Variants in CLSTN2 observed in about 807,000 individuals in gnomAD.
The protein encoded by CLSTN2 is calsyntenin 2, also known as calsyntenin-2.
CLSTN2 carries 48 observed loss-of-function variants against 101.2 expected under a neutral mutation model. That is an observed-to-expected ratio of 0.47 (90% CI 0.38 to 0.60). The LOEUF (loss-of-function observed/expected upper bound fraction) is 0.60. Ranked by LOEUF, CLSTN2 falls within the 20% of genes least tolerant of loss-of-function variation. The pLI, the probability that CLSTN2 is intolerant of heterozygous loss-of-function variation, is 0.00. For missense variants in CLSTN2, 1,160 were observed against 1,238.2 expected (o/e 0.94, Z 0.95); for synonymous variants, 481 against 463.6 (o/e 1.04, Z -0.48).
At chr3:140,314,303 A>G (rs575400309) in intron 2 of CLSTN2, among the ~76,000 whole-genome samples, 2 of 152,270 alleles carry the variant, frequency 1.3e-5, no homozygotes, top group African/African-American at 2.4e-5. Flanking sequence ...TGCCTCCCTT[A>G]CTTGCTACCT....
intron 1 of CLSTN2, among the ~76,000 whole-genome samples, chr3:139,939,770 T>C (rs1184083309): frequency 6.6e-6 from 1 of 152,208 alleles, no homozygotes; most frequent in Admixed American, 6.5e-5. Flanking sequence ...TAAGTCATCT[T>C]TGGGTAAGTA....
chr3:140,248,636 A>G, intron 2 of CLSTN2, among the ~76,000 whole-genome samples: 1 of 152,230 alleles, frequency 6.6e-6, no homozygotes. Context: ...AGTTAATAAC[A>G]GATCCACAGG....
intron 2 of CLSTN2, among the ~76,000 whole-genome samples, chr3:140,287,899 T>C (rs978073265): frequency 6.6e-6 from 1 of 152,154 alleles, no homozygotes; most frequent in African/African-American, 2.4e-5. Context: ...GCCCCAGTGC[T>C]CAGGAGAGAG....
chr3:140,062,014 C>T (rs538224732), intron 1 of CLSTN2, among the ~76,000 whole-genome samples: 1 of 152,070 alleles, frequency 6.6e-6, no homozygotes, highest in Non-Finnish European at 1.5e-5. Flanking sequence ...GAGTGGCTAA[C>T]CAATTATTAT....
At chr3:139,987,540 C>A (rs1936046143) in intron 1 of CLSTN2, among the ~76,000 whole-genome samples, 1 of 152,166 alleles carries the variant, frequency 6.6e-6, no homozygotes, top group African/African-American at 2.4e-5. Context: ...AGCTGCCTGC[C>A]ATTATGCCAT....
chr3:140,335,895 A>AT (rs1248741198), intron 2 of CLSTN2, among the ~76,000 whole-genome samples: 1 of 152,144 alleles, frequency 6.6e-6, no homozygotes, highest in East Asian at 1.9e-4. Context: ...AGTGTCCCTA[A>AT]TGGCCTTCTT....
intron 8 of CLSTN2, among the ~76,000 whole-genome samples, chr3:140,520,506 C>A (rs1935001807): frequency 6.6e-6 from 1 of 152,184 alleles, no homozygotes; most frequent in Non-Finnish European, 1.5e-5. Flanking sequence ...CACTCACTAT[C>A]ACAAGAATAG....
intron 2 of CLSTN2, among the ~76,000 whole-genome samples, chr3:140,371,373 G>A (rs935967989): frequency 2.6e-5 from 4 of 152,176 alleles, no homozygotes; most frequent in Non-Finnish European, 4.4e-5. Context: ...CAGGCATTTG[G>A]GGGTGGGCAG....
At chr3:140,074,259 G>C (rs189681429) in intron 1 of CLSTN2, among the ~76,000 whole-genome samples, 272 of 152,208 alleles carry the variant, frequency 1.8e-3, no homozygotes, top group African/African-American at 6.4e-3. Flanking sequence ...TTGAGCACTT[G>C]AGTATCTGAG....
chr3:140,412,281 C>G (rs1422431071), intron 4 of CLSTN2, among the ~76,000 whole-genome samples: 1 of 152,220 alleles, frequency 6.6e-6, no homozygotes, highest in African/African-American at 2.4e-5. Flanking sequence ...TCCCAAAGCA[C>G]TGGGATTACA....
intron 10 of CLSTN2, among the ~76,000 whole-genome samples, chr3:140,553,884 T>C (rs1576624466): frequency 2.0e-5 from 3 of 152,112 alleles, no homozygotes; most frequent in Non-Finnish European, 4.4e-5. Context: ...GTACTGATAA[T>C]GACTCCCACA....
intron 1 of CLSTN2, among the ~76,000 whole-genome samples, chr3:139,999,687 T>C (rs561092065): frequency 8.9e-4 from 135 of 152,276 alleles, no homozygotes; most frequent in Middle Eastern, 3.4e-3. Flanking sequence ...CTAAACCAAA[T>C]TGGAGACAGA....
chr3:140,082,432 G>A (rs558610478), intron 1 of CLSTN2, among the ~76,000 whole-genome samples: 1 of 152,256 alleles, frequency 6.6e-6, no homozygotes, highest in Admixed American at 6.5e-5. Flanking sequence ...CAGGGGACAG[G>A]CCAACAAGGT....
Position 140,574,405 on chromosome 3 carries a change from C to T in CLSTN2, c.*8152C>T, listed in dbSNP as rs1373580010. 1 of 152,224 alleles carries T rather than the reference C, an allele frequency of 6.6e-6. No homozygotes were observed. The highest frequency in any genetic ancestry group is 1.9e-4 in the East Asian group (1 of 5,184). 9.4% of individuals were successfully genotyped at this position (152,224 alleles called of 1,614,324 possible). Reference sequence around the variant, plus strand: ...GGTAGATGTGCCTGGGTGAGGCCTGCTTGCTCCACCGTCGAGGTCATGGGC... The same window carrying T: ...GGTAGATGTGCCTGGGTGAGGCCTGTTTGCTCCACCGTCGAGGTCATGGGC... On this transcript the variant is annotated 3_prime_UTR_variant, in exon 17 of 17. Transcript: ENST00000458420.
At chr3:140,368,011 T>C (rs1307501516) in intron 2 of CLSTN2, among the ~76,000 whole-genome samples, 3 of 152,226 alleles carry the variant, frequency 2.0e-5, no homozygotes, top group African/African-American at 7.2e-5. Context: ...TTCCAGACCC[T>C]AAAATCTAAA....
chr3:140,200,300 C>T (rs183734340), intron 2 of CLSTN2, among the ~76,000 whole-genome samples: 43 of 152,076 alleles, frequency 2.8e-4, no homozygotes, highest in South Asian at 1.0e-3. Context: ...AACTTAGTGC[C>T]GTAAAAAATT....
At chr3:140,053,664 CTCTCT>C (rs2107769520) in intron 1 of CLSTN2, among the ~76,000 whole-genome samples, 1 of 152,330 alleles carries the variant, frequency 6.6e-6, no homozygotes, top group African/African-American at 2.4e-5. Flanking sequence ...TCCCTCCTCT[CTCTCT>C]TATTTCTGTC....
At chr3:140,401,282 T>C (rs1457845228) in intron 2 of CLSTN2, among the ~76,000 whole-genome samples, 2 of 152,246 alleles carry the variant, frequency 1.3e-5, no homozygotes, top group Non-Finnish European at 2.9e-5. Flanking sequence ...GGGTCTTGAT[T>C]GTCCTTTTTA....
chr3:140,302,910 A>T (rs983729242), intron 2 of CLSTN2, among the ~76,000 whole-genome samples: 1 of 152,294 alleles, frequency 6.6e-6, no homozygotes, highest in Admixed American at 6.5e-5. Context: ...GTGAGCTAAA[A>T]GTGTGTCAGC....
Sources: gnomAD v4.1 joint callset for allele counts (sites outside exome capture counted in the v4.1 genomes callset) on GRCh38, gnomAD v4.1.1 for gene constraint, MANE v1.5 for transcripts, NCBI Gene and HGNC (gene_info 2026-07-23, HGNC 2026-07-21) for gene names.